The following FAT3 variants were observed in gnomAD, a reference collection of about 807,000 sequenced individuals.
The protein encoded by FAT3 is protocadherin Fat 3.
FAT3 carries 95 observed loss-of-function variants against 310.2 expected under a neutral mutation model. The ratio of observed to expected loss-of-function variants is 0.31; its 90% CI spans 0.26 to 0.36. The LOEUF (loss-of-function observed/expected upper bound fraction) is 0.36, where lower values mean the gene tolerates loss of function less well. Ranked by LOEUF, FAT3 falls within the 10% of genes least tolerant of loss-of-function variation. FAT3 has a pLI of 1.00. For missense variants in FAT3, 5,408 were observed against 5,715.6 expected (o/e 0.95, Z 1.74); for synonymous variants, 2,314 against 2,192.9 (o/e 1.06, Z -1.54).
At chr11:92,463,330 A>G (rs750860373) in intron 2 of FAT3, among the ~76,000 whole-genome samples, 1 of 152,148 alleles carries the variant, frequency 6.6e-6, no homozygotes, top group Non-Finnish European at 1.5e-5. Context: ...TCTTGGAGAT[A>G]ATGTAACATA....
chr11:92,331,030 C>G (rs888021373), intron 1 of FAT3, among the ~76,000 whole-genome samples: 4 of 147,814 alleles, frequency 2.7e-5, no homozygotes, highest in African/African-American at 1.0e-4. Flanking sequence ...GAAACATTTA[C>G]AGCTTTTCAG....
chr11:92,356,717 C>T (rs1334425912), intron 2 of FAT3, among the ~76,000 whole-genome samples: 2 of 152,134 alleles, frequency 1.3e-5, no homozygotes, highest in Admixed American at 1.3e-4. Context: ...GGGGTTAGGG[C>T]TTCAGAGTAT....
intron 19 of FAT3, among the ~76,000 whole-genome samples, chr11:92,854,325 G>A (rs531963073): frequency 2.6e-5 from 4 of 152,258 alleles, no homozygotes; most frequent in African/African-American, 9.6e-5. Flanking sequence ...GCATCCAAGA[G>A]TGCAGGGATG....
At chr11:92,299,776 C>T (rs1946945541) in intron 1 of FAT3, among the ~76,000 whole-genome samples, 1 of 151,992 alleles carries the variant, frequency 6.6e-6, no homozygotes, top group Non-Finnish European at 1.5e-5. Flanking sequence ...ACATCAGTAG[C>T]AGCTGTCAGT....
intron 3 of FAT3, among the ~76,000 whole-genome samples, chr11:92,618,141 C>T (rs1163992149): frequency 6.6e-6 from 1 of 152,204 alleles, no homozygotes; most frequent in African/African-American, 2.4e-5. Flanking sequence ...CCAGTTCGAG[C>T]TTCCCAGCCA....
intron 2 of FAT3, among the ~76,000 whole-genome samples, chr11:92,370,121 A>G (rs1329325205): frequency 6.6e-6 from 1 of 152,218 alleles, no homozygotes; most frequent in East Asian, 1.9e-4. Context: ...GGATTTCCCT[A>G]AATTATAAGA....
At chr11:92,643,912 A>G (rs1291093254) in intron 3 of FAT3, among the ~76,000 whole-genome samples, 2 of 152,262 alleles carry the variant, frequency 1.3e-5, no homozygotes, top group African/African-American at 4.8e-5. Flanking sequence ...GATTTATCAC[A>G]CTAAGTAGAT....
chr11:92,246,855 G>T (rs1565176995), intron 1 of FAT3, among the ~76,000 whole-genome samples: 1 of 152,108 alleles, frequency 6.6e-6, no homozygotes, highest in East Asian at 1.9e-4. Context: ...ACTGAGAGTT[G>T]CAGGTTGTCA....
intron 1 of FAT3, among the ~76,000 whole-genome samples, chr11:92,342,459 G>A (rs1486091845): frequency 1.3e-5 from 2 of 152,150 alleles, no homozygotes; most frequent in Non-Finnish European, 1.5e-5. Context: ...TTTTAAAGAG[G>A]AATGGCAATT....
chr11:92,286,958 A>G (rs1433457837), intron 1 of FAT3, among the ~76,000 whole-genome samples: 1 of 152,198 alleles, frequency 6.6e-6, no homozygotes, highest in Non-Finnish European at 1.5e-5. Context: ...GTAAATAGTG[A>G]TTAGGTGCAA....
intron 3 of FAT3, among the ~76,000 whole-genome samples, chr11:92,565,239 T>G (rs1955386127): frequency 6.6e-6 from 1 of 151,468 alleles, no homozygotes; most frequent in African/African-American, 2.4e-5. Flanking sequence ...CAAACTACCA[T>G]CAGAGATTAC....
At chr11:92,295,851 C>T (rs896618932) in intron 1 of FAT3, among the ~76,000 whole-genome samples, 2 of 152,130 alleles carry the variant, frequency 1.3e-5, no homozygotes, top group African/African-American at 2.4e-5. Flanking sequence ...TTTTTAAAAG[C>T]CCAGGACTCA....
intron 19 of FAT3, among the ~76,000 whole-genome samples, chr11:92,849,128 T>C (rs1219359584): frequency 1.3e-5 from 2 of 152,180 alleles, no homozygotes; most frequent in Non-Finnish European, 2.9e-5. Flanking sequence ...AACCAAAACT[T>C]GGAAAGGTCA....
intron 13 of FAT3, among the ~76,000 whole-genome samples, chr11:92,830,745 C>A (rs1006444964): frequency 6.6e-6 from 1 of 152,138 alleles, no homozygotes; most frequent in Non-Finnish European, 1.5e-5. Context: ...CTAATGACAA[C>A]CCCCTCTTTC....
chr11:92,881,761 GA>G (rs1228183896), intron 23 of FAT3, among the ~76,000 whole-genome samples: 1 of 152,134 alleles, frequency 6.6e-6, no homozygotes, highest in South Asian at 2.1e-4. Context: ...ACTAAGCTAA[GA>G]AAGAATAAGA....
At chr11:92,888,384 G>A (rs1949843255) in intron 25 of FAT3, among the ~76,000 whole-genome samples, 1 of 152,186 alleles carries the variant, frequency 6.6e-6, no homozygotes, top group Non-Finnish European at 1.5e-5. Context: ...CCAGAGTCCA[G>A]GCAGCAGCTC....
chr11:92,687,617 GT>G (rs1389144823), intron 3 of FAT3, among the ~76,000 whole-genome samples: 1 of 152,134 alleles, frequency 6.6e-6, no homozygotes, highest in African/African-American at 2.4e-5. Context: ...TGGATTGTTA[GT>G]TTGATGAAGG....
At chr11:92,230,698 A>C (rs1413003242) in intron 1 of FAT3, among the ~76,000 whole-genome samples, 1 of 152,240 alleles carries the variant, frequency 6.6e-6, no homozygotes, top group African/African-American at 2.4e-5. Context: ...GAATAGTAAA[A>C]TATATCCATT....
chr11:92,226,891 C>T (rs971869940), intron 1 of FAT3, among the ~76,000 whole-genome samples: 2 of 152,156 alleles, frequency 1.3e-5, no homozygotes, highest in African/African-American at 4.8e-5. Flanking sequence ...CTTTTTCCCC[C>T]CTCTCCCCTC....
Sources: allele counts gnomAD v4.1 joint callset (sites outside exome capture counted in the v4.1 genomes callset), GRCh38; gene constraint gnomAD v4.1.1; transcripts MANE v1.5; gene names NCBI Gene and HGNC (gene_info 2026-07-23, HGNC 2026-07-21).